Variants in JPT2 observed in about 807,000 individuals in gnomAD.
The protein encoded by JPT2 is CRAMP_1 like.
Under a neutral mutation model 15.9 loss-of-function variants are expected in JPT2, and 9 were observed. That is an observed-to-expected ratio of 0.57 (90% CI 0.34 to 0.99). The LOEUF (loss-of-function observed/expected upper bound fraction) is 0.99. JPT2 is among the 50% of genes least tolerant of loss of function. JPT2 has a pLI of 0.02. For synonymous variants in JPT2, 95 were observed against 91.7 expected, an observed-to-expected ratio of 1.04 and a Z score of -0.21; for missense variants, 267 against 252.1, an observed-to-expected ratio of 1.06 and a Z score of -0.40.
rs767281400 is a variant in JPT2, at chr16:1,699,198, G to A, written c.*200G>A. 1.4e-5 allele frequency: 9 copies of A among 657,354 alleles called. No homozygotes were observed. Among genetic ancestry groups the A allele is most frequent in the South Asian group, 1.1e-4 (7 of 66,580 alleles). The allele number at this position is 657,354 out of a possible 1,614,324, so 40.7% of individuals were successfully genotyped here. On this transcript the variant is annotated 3_prime_UTR_variant, in exon 5 of 5. Transcript: ENST00000248098. Reference sequence around the variant, plus strand: ...GATGGCTGGGAGATGCCTCTGTGGGGATGAAATGGGGCACCCCTGGCCATC... The same window carrying A: ...GATGGCTGGGAGATGCCTCTGTGGGAATGAAATGGGGCACCCCTGGCCATC...
chr16:1,700,489 A>G lies in JPT2; in HGVS notation c.*1491A>G, dbSNP rs531710618. The G allele has an allele frequency of 2.1e-3, 435 of 204,270 alleles. 3 individuals are homozygous for G. The highest frequency in any genetic ancestry group is 0.01 in the Middle Eastern group (4 of 400). 12.7% of individuals were successfully genotyped at this position (204,270 alleles called of 1,614,324 possible). A position where few individuals can be genotyped will look rare whatever the true frequency, so the allele number is the denominator to read the frequency against. On this transcript the variant is annotated 3_prime_UTR_variant, in exon 5 of 5. Coordinates refer to ENST00000248098, the MANE Select transcript of JPT2 (RefSeq NM_144570.3). ...ATTAAACTTCAGAAAAGCAGCAGCC[A>G]TGTTCAGTCAGGCTCATGCTGCCTC...
At position 1,699,463 on chromosome 16, in the gene JPT2, T is replaced by TCCAGCATCCCCACTTCATTTTACCC. The variant is rs1404550385; in HGVS notation, c.*473_*497dup. 3 of 352,088 alleles carry TCCAGCATCCCCACTTCATTTTACCC rather than the reference T, an allele frequency of 8.5e-6. No homozygotes were observed. The highest frequency in any genetic ancestry group is 4.3e-5 in the African/African-American group (2 of 46,852). The allele number at this position is 352,088 out of a possible 1,614,324, so 21.8% of individuals were successfully genotyped here. A position where few individuals can be genotyped will look rare whatever the true frequency, so the allele number is the denominator to read the frequency against. On this transcript the variant is annotated 3_prime_UTR_variant, in exon 5 of 5. Transcript: ENST00000248098. The stretch of plus-strand genomic sequence containing the variant: ...CATTCTGGAGATCACGGCTGCTAAA[T>TCCAGCATCCCCACTTCATTTTACCC]CCAGCATCCCCACTTCATTTTACCC...
In JPT2 at chr16:1,678,551, C is replaced by T. The variant is rs188083821; in HGVS notation, c.44+195C>T. ...GAGGCCCGAAGCCCGAGGGGCCGCTCGCTGAGGCCCGGGCTGTGGAGAGCT... is the reference window on the plus strand; with the variant it reads ...GAGGCCCGAAGCCCGAGGGGCCGCTTGCTGAGGCCCGGGCTGTGGAGAGCT... On this transcript the variant is annotated intron_variant, in intron 1 of 4. Coordinates refer to ENST00000248098, the MANE Select transcript of JPT2 (RefSeq NM_144570.3). Among the ~76,000 whole-genome samples, 122 of 152,210 alleles carry T rather than the reference C, an allele frequency of 8.0e-4. 1 individual carries two copies. The East Asian group carries it at 0.023, about 29-fold the overall frequency.
At chr16:1,678,775 G>T (rs1400704562) in intron 1 of JPT2, among the ~76,000 whole-genome samples, 2 of 151,624 alleles carry the variant, frequency 1.3e-5, no homozygotes, top group Admixed American at 1.3e-4. Context: ...TCCCGGGGGG[G>T]TGTCCCTAAG....
intron 1 of JPT2, chr16:1,680,384 A>C: frequency 9.4e-7 from 1 of 1,059,646 alleles, no homozygotes; most frequent in Non-Finnish European, 1.2e-6. Flanking sequence ...GCCGCACTAA[A>C]GTCATACTCA....
intron 2 of JPT2, 44 bp downstream of exon 2, chr16:1,685,631 C>G: frequency 2.5e-6 from 4 of 1,576,246 alleles, no homozygotes; most frequent in Non-Finnish European, 3.4e-6. Flanking sequence ...CTCCACGATT[C>G]TCTTTTGAAA....
At chr16:1,693,172 T>C (rs1175851728) in intron 3 of JPT2, among the ~76,000 whole-genome samples, 1 of 152,368 alleles carries the variant, frequency 6.6e-6, no homozygotes, top group East Asian at 1.9e-4. Context: ...CGATCTCAAC[T>C]CACTGCAGCC....
chr16:1,678,687 C>T (rs1308529351), intron 1 of JPT2, among the ~76,000 whole-genome samples: 2 of 151,636 alleles, frequency 1.3e-5, no homozygotes, highest in African/African-American at 2.4e-5. Context: ...CCGTGTGGTG[C>T]GTTCCGTGGG....
chr16:1,702,454 T>C (rs965668224), downstream of JPT2, among the ~76,000 whole-genome samples: 3 of 152,226 alleles, frequency 2.0e-5, no homozygotes, highest in African/African-American at 7.2e-5. Context: ...TGGCCAAGTC[T>C]AGAAGGACGC....
chr16:1,678,357 G>GT lies in JPT2; in HGVS notation c.44+2dup, dbSNP rs1487941297. The GT allele has an allele frequency of 5.7e-6, 7 of 1,231,982 alleles. No individual in the cohort carries two copies. Among genetic ancestry groups the GT allele is most frequent in the Admixed American group, 8.5e-5 (2 of 23,644 alleles). The allele number at this position is 1,231,982 out of a possible 1,614,324, so 76.3% of individuals were successfully genotyped here. A position where few individuals can be genotyped will look rare whatever the true frequency, so the allele number is the denominator to read the frequency against. ...GCGAGGGCGGCCGCGCCGGCTCCAG[G>GT]TGCGGCGCGGGGCACACGGGAGGCG... On this transcript the variant is annotated splice_donor_variant, in intron 1 of 4. Transcript: ENST00000248098. LOFTEE classifies it high-confidence loss of function.
intron 1 of JPT2, chr16:1,680,694 G>A: frequency 5.5e-6 from 1 of 183,230 alleles, no homozygotes; most frequent in Non-Finnish European, 1.1e-5. Flanking sequence ...TTTCCTTGCT[G>A]AGGGATTGTC....
chr16:1,691,257 T>A (rs548172206), intron 2 of JPT2, among the ~76,000 whole-genome samples: 2 of 152,328 alleles, frequency 1.3e-5, no homozygotes, highest in South Asian at 4.1e-4. Flanking sequence ...TAGACGCACA[T>A]TTTCATTATG....
At chr16:1,695,998 G>T (rs146114191) in intron 3 of JPT2, among the ~76,000 whole-genome samples, 1 of 152,198 alleles carries the variant, frequency 6.6e-6, no homozygotes, top group Non-Finnish European at 1.5e-5. Flanking sequence ...GGAGGCCGAG[G>T]TGGGCAGATC....
intron 1 of JPT2, chr16:1,683,623 A>G: frequency 6.7e-7 from 1 of 1,487,816 alleles, no homozygotes; most frequent in Non-Finnish European, 9.1e-7. Context: ...TTTCTGGGGT[A>G]CAGTAGCCAG....
At chr16:1,696,901 A>G (rs527431972) in intron 3 of JPT2, among the ~76,000 whole-genome samples, 3 of 152,334 alleles carry the variant, frequency 2.0e-5, no homozygotes, top group African/African-American at 7.2e-5. Context: ...GTGGCTGTGG[A>G]TACTGCCAGT....
chr16:1,681,107 G>C (rs1411551717), intron 1 of JPT2, among the ~76,000 whole-genome samples: 2 of 152,340 alleles, frequency 1.3e-5, no homozygotes, highest in East Asian at 3.9e-4. Context: ...GTCCCCAAAT[G>C]TGTGAGCTCT....
rs139489150 is a variant in JPT2, at chr16:1,682,540, C to T, written c.45-2899C>T. ...TAGAAAAATTAGCTGGGCATGGTGG[C>T]GGGCATCTGTAATCCCAGCTACTCA... On this transcript the variant is annotated intron_variant, in intron 1 of 4. Transcript: ENST00000248098. Among the ~76,000 whole-genome samples the T allele has an allele frequency of 4.0e-3, 603 of 152,066 alleles. 9 individuals are homozygous for T. The highest frequency in any genetic ancestry group is 7.6e-3 in the Admixed American group (116 of 15,280).
At chr16:1,682,586 C>T (rs183118266) in intron 1 of JPT2, among the ~76,000 whole-genome samples, 71 of 151,864 alleles carry the variant, frequency 4.7e-4, no homozygotes, top group Admixed American at 3.2e-3. Flanking sequence ...GCAGGAGAAT[C>T]GCCTGAACCC....
intron 1 of JPT2, 71 bp downstream of exon 1, chr16:1,678,427 G>T: frequency 1.7e-6 from 2 of 1,164,630 alleles, no homozygotes; most frequent in Non-Finnish European, 2.1e-6. Flanking sequence ...AGCCCAGGGC[G>T]TCCACCAGCC....
Sources: gnomAD v4.1 joint callset for allele counts (sites outside exome capture counted in the v4.1 genomes callset) on GRCh38, gnomAD v4.1.1 for gene constraint, MANE v1.5 for transcripts, NCBI Gene and HGNC (gene_info 2026-07-23, HGNC 2026-07-21) for gene names.